The following LPP variants were observed in gnomAD, a reference collection of about 807,000 sequenced individuals.
LPP encodes lipoma-preferred partner.
Under a neutral mutation model 60.4 loss-of-function variants are expected in LPP, and 38 were observed. That is an observed-to-expected ratio of 0.63 (90% CI 0.49 to 0.83). The LOEUF (loss-of-function observed/expected upper bound fraction) is 0.83, where lower values mean the gene tolerates loss of function less well. LPP is among the 40% of genes least tolerant of loss of function. The pLI, the probability that LPP is intolerant of heterozygous loss-of-function variation, is 0.00. For missense variants in LPP, 902 were observed against 783.6 expected (o/e 1.15, Z -1.80); for synonymous variants, 328 against 290.8 (o/e 1.13, Z -1.30).
intron 4 of LPP, among the ~76,000 whole-genome samples, chr3:188,410,321 T>G (rs1383728692): frequency 2.0e-5 from 3 of 152,210 alleles, no homozygotes; most frequent in Admixed American, 6.5e-5. Flanking sequence ...CCTATGCCCA[T>G]TCTTTGAACT....
intron 8 of LPP, among the ~76,000 whole-genome samples, chr3:188,753,799 T>G (rs186449223): frequency 1.3e-5 from 2 of 151,994 alleles, no homozygotes; most frequent in Admixed American, 6.6e-5. Flanking sequence ...GTATATGTAT[T>G]TGTAGAGGGA....
intron 6 of LPP, among the ~76,000 whole-genome samples, chr3:188,590,730 C>T (rs1286538601): frequency 2.0e-5 from 3 of 152,120 alleles, no homozygotes; most frequent in Non-Finnish European, 2.9e-5. Flanking sequence ...AGCAGGAGGG[C>T]TCACCAACCT....
chr3:188,264,954 A>G (rs1349297578), intron 2 of LPP, among the ~76,000 whole-genome samples: 2 of 152,180 alleles, frequency 1.3e-5, no homozygotes, highest in East Asian at 1.9e-4. Context: ...GATGTGTCTT[A>G]GATTTATTTA....
chr3:188,411,191 G>A (rs9860547), intron 4 of LPP, among the ~76,000 whole-genome samples: 51,737 of 151,772 alleles, frequency 0.34, 10,594 homozygotes, highest in Middle Eastern at 0.6. Context: ...CTCACTGTCC[G>A]GGAAATGCAA....
intron 3 of LPP, among the ~76,000 whole-genome samples, chr3:188,385,233 AC>A (rs1213323084): frequency 3.3e-5 from 5 of 151,806 alleles, no homozygotes; most frequent in African/African-American, 9.7e-5. Flanking sequence ...TCAATGTTTC[AC>A]TTTTTACTTT....
chr3:188,436,112 G>T (rs1031782517), intron 4 of LPP, among the ~76,000 whole-genome samples: 3 of 152,108 alleles, frequency 2.0e-5, no homozygotes, highest in Non-Finnish European at 4.4e-5. Context: ...CTTGGAACTC[G>T]TGGATATGTA....
Position 188,495,083 on chromosome 3 carries a change from T to TATATATATATATATATATATATATATA in LPP, c.306+10379_306+10380insATATATATATATATATATATATATATA, listed in dbSNP as rs57578460. Among the ~76,000 whole-genome samples, 110 of 77,720 alleles carry TATATATATATATATATATATATATATA rather than the reference T, an allele frequency of 1.4e-3. 10 individuals carry two copies. The East Asian group carries it at 0.036, about 25-fold the overall frequency. The allele number at this position is 77,720 out of a possible 152,430, so 51.0% of individuals were successfully genotyped here. A position where few individuals can be genotyped will look rare whatever the true frequency, so the allele number is the denominator to read the frequency against. On this transcript the variant is annotated intron_variant, in intron 5 of 11. Transcript: ENST00000617246. ...AGGATTTTATATATATATATATATA[T>TATATATATATATATATATATATATATA]TTTATTTATATTTTATTATATATTT...
At position 188,288,871 on chromosome 3, in the gene LPP, A is replaced by T. The variant is rs1577875749; in HGVS notation, c.-66-52792A>T. 4.7e-5 allele frequency among the ~76,000 whole-genome samples: 6 copies of T among 128,400 alleles called. No homozygotes were observed. The South Asian group carries it at 1.7e-3, about 36-fold the overall frequency. The allele number at this position is 128,400 out of a possible 152,430, so 84.2% of individuals were successfully genotyped here. A position where few individuals can be genotyped will look rare whatever the true frequency, so the allele number is the denominator to read the frequency against. ...TAGCTAGCAACTGTATCAGGAAAGCACTTGTGATTACCATCTGTTAAGGAC... is the reference window on the plus strand; with the variant it reads ...TAGCTAGCAACTGTATCAGGAAAGCTCTTGTGATTACCATCTGTTAAGGAC... On this transcript the variant is annotated intron_variant, in intron 2 of 11. Coordinates refer to ENST00000617246, the MANE Select transcript of LPP (RefSeq NM_001375462.1).
intron 1 of LPP, chr3:188,179,094 C>CAGAGAGAGAGAG (rs151265768): frequency 3.9e-6 from 1 of 256,280 alleles, no homozygotes; most frequent in Non-Finnish European, 7.9e-6. Flanking sequence ...GGGAGAGAGA[C>CAGAGAGAGAGAG]AGAGAGAGAG....
intron 3 of LPP, among the ~76,000 whole-genome samples, chr3:188,344,108 A>G (rs1463984610): frequency 1.3e-5 from 2 of 152,210 alleles, no homozygotes; most frequent in Non-Finnish European, 2.9e-5. Context: ...CAAGATCTGT[A>G]CTTGAACGAG....
At chr3:188,180,855 T>A (rs1298172188) in intron 1 of LPP, 1 of 144,746 alleles carries the variant, frequency 6.9e-6, no homozygotes, top group Non-Finnish European at 1.5e-5. Flanking sequence ...CTTAAGAATA[T>A]ACCATAATTC....
In LPP at chr3:188,890,005, A is replaced by G. The variant is rs1236085434; in HGVS notation, c.*15526A>G. The G allele has an allele frequency of 4.7e-6, 1 of 213,706 alleles. No homozygotes were observed. The highest frequency in any genetic ancestry group is 9.5e-6 in the Non-Finnish European group (1 of 105,800). 13.2% of individuals were successfully genotyped at this position (213,706 alleles called of 1,614,324 possible). Reference sequence around the variant, plus strand: ...AGAGATTTTTTTTTTCCTTGGAAACAAATGGACTGGGAAGAAACACAGCAT... The same window carrying G: ...AGAGATTTTTTTTTTCCTTGGAAACGAATGGACTGGGAAGAAACACAGCAT... On this transcript the variant is annotated 3_prime_UTR_variant, in exon 12 of 12. Coordinates refer to ENST00000617246, the MANE Select transcript of LPP (RefSeq NM_001375462.1).
At chr3:188,496,534 G>A (rs2149814165) in intron 5 of LPP, among the ~76,000 whole-genome samples, 1 of 152,324 alleles carries the variant, frequency 6.6e-6, no homozygotes, top group South Asian at 2.1e-4. Flanking sequence ...TTGTATCAGT[G>A]AAGGCTCTGG....
At chr3:188,233,408 C>T (rs1309243788) in intron 2 of LPP, among the ~76,000 whole-genome samples, 1 of 152,196 alleles carries the variant, frequency 6.6e-6, no homozygotes, top group East Asian at 1.9e-4. Context: ...CAGCTCTGAC[C>T]TGCTTTGGGT....
chr3:188,498,775 A>G (rs1810979408), intron 5 of LPP, among the ~76,000 whole-genome samples: 1 of 152,134 alleles, frequency 6.6e-6, no homozygotes, highest in Non-Finnish European at 1.5e-5. Flanking sequence ...ATTCCTCACA[A>G]CAGCACACGA....
At chr3:188,446,478 T>C (rs73192676) in intron 4 of LPP, among the ~76,000 whole-genome samples, 8 of 152,368 alleles carry the variant, frequency 5.3e-5, no homozygotes, top group Non-Finnish European at 8.8e-5. Flanking sequence ...TCTCTGTCTT[T>C]AGTTTCTGAA....
chr3:188,635,796 T>G (rs577543969), intron 7 of LPP, among the ~76,000 whole-genome samples: 35 of 152,318 alleles, frequency 2.3e-4, no homozygotes, highest in African/African-American at 7.2e-4. Flanking sequence ...ACTCAGTAAA[T>G]GTTTATTGAA....
At chr3:188,613,314 A>C (rs553514770) in intron 7 of LPP, among the ~76,000 whole-genome samples, 2 of 144,392 alleles carry the variant, frequency 1.4e-5, no homozygotes, top group Non-Finnish European at 3.1e-5. Context: ...CTATATCTAT[A>C]TATATCGCTG....
At chr3:188,242,787 C>T (rs1484778016) in intron 2 of LPP, among the ~76,000 whole-genome samples, 1 of 152,162 alleles carries the variant, frequency 6.6e-6, no homozygotes, top group Non-Finnish European at 1.5e-5. Context: ...GCAAACATTT[C>T]CCCTTTCTCC....
Sources: gnomAD v4.1 joint callset for allele counts (sites outside exome capture counted in the v4.1 genomes callset) on GRCh38, gnomAD v4.1.1 for gene constraint, MANE v1.5 for transcripts, NCBI Gene and HGNC (gene_info 2026-07-23, HGNC 2026-07-21) for gene names.